C21orf91: variants seen among roughly 807,000 people sequenced by gnomAD.
The protein encoded by C21orf91 is protein EURL homolog.
In C21orf91, 26 loss-of-function variants were observed where a neutral mutation model predicts 32.9. That is an observed-to-expected ratio of 0.79 (90% CI 0.58 to 1.10). The LOEUF is 1.10. Ranked by LOEUF, C21orf91 falls within the 50% of genes least tolerant of loss-of-function variation. C21orf91 has a pLI of 0.00. For synonymous variants in C21orf91, 126 were observed against 120.4 expected, an observed-to-expected ratio of 1.05 and a Z score of -0.31; for missense variants, 310 against 341.3, an observed-to-expected ratio of 0.91 and a Z score of 0.72.
intron 2 of C21orf91, chr21:17,810,631 GA>G (rs1213792161): frequency 6.6e-6 from 1 of 152,252 alleles, no homozygotes; most frequent in African/African-American, 2.4e-5. Flanking sequence ...TCTCTTGAAA[GA>G]AAGGCTAATT....
chr21:17,809,935 TAC>T (rs1473094609), intron 2 of C21orf91, among the ~76,000 whole-genome samples: 1 of 152,220 alleles, frequency 6.6e-6, no homozygotes, highest in Non-Finnish European at 1.5e-5. Flanking sequence ...AGCAAAGAGC[TAC>T]CAGAAATAAG....
At chr21:17,813,025 T>C (rs1299190596) in intron 2 of C21orf91, among the ~76,000 whole-genome samples, 1 of 152,164 alleles carries the variant, frequency 6.6e-6, no homozygotes, top group Non-Finnish European at 1.5e-5. Context: ...CAAAATAGAC[T>C]AAGATAAGTA....
intron 4 of C21orf91, 138 bp from the exon 5 acceptor site, chr21:17,793,719 C>T: frequency 1.6e-6 from 1 of 622,048 alleles, no homozygotes; most frequent in Non-Finnish European, 2.8e-6. Flanking sequence ...GGAAACAGTT[C>T]TGTTCTCTAC....
intron 2 of C21orf91, among the ~76,000 whole-genome samples, chr21:17,803,892 C>T (rs1281084681): frequency 6.6e-6 from 1 of 152,118 alleles, no homozygotes; most frequent in East Asian, 1.9e-4. Context: ...TTTTGTTTAG[C>T]CCACAAATAT....
intron 2 of C21orf91, among the ~76,000 whole-genome samples, chr21:17,799,871 C>T (rs1229540655): frequency 6.6e-6 from 1 of 152,044 alleles, no homozygotes; most frequent in Non-Finnish European, 1.5e-5. Context: ...TTTTAAAACA[C>T]CAAAAACAAA....
At position 17,815,259 on chromosome 21, in the gene C21orf91, C is replaced by T. The variant is rs78322160; in HGVS notation, c.127+2933G>A. ...ATGTATGGACTCAAAACTAGCTTAA[C>T]TGTTATTATTCCTCAAGAGAATTTA... On this transcript the variant is annotated intron_variant, in intron 2 of 4. Transcript: ENST00000284881. 3.5e-3 allele frequency among the ~76,000 whole-genome samples: 530 copies of T among 152,224 alleles called. 10 individuals are homozygous for T. In the East Asian group the frequency reaches 0.068, roughly 20 times the overall value.
intron 3 of C21orf91, among the ~76,000 whole-genome samples, chr21:17,795,876 T>A (rs1170465018): frequency 6.6e-6 from 1 of 152,216 alleles, no homozygotes; most frequent in Non-Finnish European, 1.5e-5. Context: ...TATCTCCTAT[T>A]CGGTTTCAGT....
chr21:17,810,964 T>C (rs2062628906), intron 2 of C21orf91: 1 of 152,248 alleles, frequency 6.6e-6, no homozygotes, highest in Non-Finnish European at 1.5e-5. Flanking sequence ...TGTGTATTCA[T>C]TAAATATCGT....
chr21:17,794,795 A>C (rs2146245175), intron 4 of C21orf91, among the ~76,000 whole-genome samples: 1 of 152,230 alleles, frequency 6.6e-6, no homozygotes, highest in African/African-American at 2.4e-5. Context: ...GGCTGGGCGC[A>C]GTGGCTCACA....
Position 17,792,098 on chromosome 21 carries a change from C to T in C21orf91, c.*1317G>A, listed in dbSNP as rs566510801. The T allele has an allele frequency of 6.6e-6, 1 of 152,054 alleles. No individual in the cohort carries two copies. Among genetic ancestry groups the T allele is most frequent in the Non-Finnish European group, 1.5e-5 (1 of 67,984 alleles). The allele number at this position is 152,054 out of a possible 1,614,324, so 9.4% of individuals were successfully genotyped here. On this transcript the variant is annotated 3_prime_UTR_variant, in exon 5 of 5. Coordinates refer to ENST00000284881, the MANE Select transcript of C21orf91 (RefSeq NM_001100420.2). ...CAGATACTTTCAAGCAAGGATCTAC[C>T]TCATAAGTACATTCTAAACATGAGT...
chr21:17,815,664 ATT>A (rs113135854), intron 2 of C21orf91, among the ~76,000 whole-genome samples: 2 of 146,236 alleles, frequency 1.4e-5, no homozygotes, highest in Non-Finnish European at 1.5e-5. Context: ...TTCTAAAATA[ATT>A]TTTTTTTTTT....
At chr21:17,814,598 A>G (rs1162225169) in intron 2 of C21orf91, among the ~76,000 whole-genome samples, 3 of 152,180 alleles carry the variant, frequency 2.0e-5, no homozygotes, top group Non-Finnish European at 4.4e-5. Flanking sequence ...TCAGGGCAGA[A>G]GGCAAAGAGG....
chr21:17,802,311 C>T lies in C21orf91; in HGVS notation c.128-5193G>A, dbSNP rs1272399241. 2.6e-5 allele frequency among the ~76,000 whole-genome samples: 4 copies of T among 152,176 alleles called. 1 individual carries two copies. Among genetic ancestry groups the T allele is most frequent in the African/African-American group, 9.7e-5 (4 of 41,432 alleles). On this transcript the variant is annotated intron_variant, in intron 2 of 4. Transcript: ENST00000284881. ...AAGTAGCTGGGACTATAGGCACGCA[C>T]CACCACACGTGGTTAATTTTTGTGT...
At chr21:17,798,308 A>C (rs1277713437) in intron 2 of C21orf91, among the ~76,000 whole-genome samples, 1 of 152,230 alleles carries the variant, frequency 6.6e-6, no homozygotes, top group Non-Finnish European at 1.5e-5. Flanking sequence ...TATGAAATAA[A>C]GTATTAGCAT....
rs1238285668 is a variant in C21orf91, at chr21:17,791,947, C to T, written c.*1468G>A. On this transcript the variant is annotated 3_prime_UTR_variant, in exon 5 of 5. Coordinates refer to ENST00000284881, the MANE Select transcript of C21orf91 (RefSeq NM_001100420.2). ...TGTTTTCAATTAAACTGAAGTGTTT[C>T]TTTGCTTAAATACTTTCTTGTGTTC... 1 of 152,136 alleles carries T rather than the reference C, an allele frequency of 6.6e-6. No homozygotes were observed. The allele number at this position is 152,136 out of a possible 1,614,324, so 9.4% of individuals were successfully genotyped here.
intron 2 of C21orf91, among the ~76,000 whole-genome samples, chr21:17,801,513 G>T (rs1054357287): frequency 3.3e-5 from 5 of 151,906 alleles, no homozygotes; most frequent in Non-Finnish European, 5.9e-5. Context: ...CTTGTGATCC[G>T]CCCGCCTCGG....
In C21orf91 at chr21:17,789,856, G is replaced by T. The variant is rs1028054992; in HGVS notation, c.*3559C>A. 6.6e-6 allele frequency: 1 copy of T among 152,018 alleles called. No homozygotes were observed. Among genetic ancestry groups the T allele is most frequent in the African/African-American group, 2.4e-5 (1 of 41,420 alleles). 9.4% of individuals were successfully genotyped at this position (152,018 alleles called of 1,614,324 possible). A position where few individuals can be genotyped will look rare whatever the true frequency, so the allele number is the denominator to read the frequency against. On this transcript the variant is annotated 3_prime_UTR_variant, in exon 5 of 5. Coordinates refer to ENST00000284881, the MANE Select transcript of C21orf91 (RefSeq NM_001100420.2). ...TTTACTTGGTAAGAATAAACTGTTG[G>T]GGGTTTTATCTCTTACTAATTCTCA...
At chr21:17,800,301 A>G (rs1398410507) in intron 2 of C21orf91, among the ~76,000 whole-genome samples, 1 of 152,220 alleles carries the variant, frequency 6.6e-6, no homozygotes, top group Non-Finnish European at 1.5e-5. Context: ...ATTTAAAAAT[A>G]TCCTGTGCAG....
intron 2 of C21orf91, among the ~76,000 whole-genome samples, chr21:17,801,949 T>G (rs2062564725): frequency 6.6e-6 from 1 of 152,208 alleles, no homozygotes; most frequent in African/African-American, 2.4e-5. Context: ...TTCAATAATT[T>G]TATTTTTCTT....
Sources: allele counts gnomAD v4.1 joint callset (sites outside exome capture counted in the v4.1 genomes callset), GRCh38; gene constraint gnomAD v4.1.1; transcripts MANE v1.5; gene names NCBI Gene and HGNC (gene_info 2026-07-23, HGNC 2026-07-21).